Variants in SHOX observed in about 807,000 individuals in gnomAD.
SHOX encodes the protein short stature homeobox protein.
A neutral mutation model predicts 29.6 loss-of-function variants in SHOX; 12 were observed. That is an observed-to-expected ratio of 0.41 (90% confidence interval 0.26 to 0.66). The LOEUF is 0.66. Among genes scored for constraint, SHOX ranks in the 30% least tolerant of loss-of-function variants. SHOX has a pLI of 0.35. For missense variants in SHOX, 499 were observed against 437.7 expected (o/e 1.14, Z -1.25); for synonymous variants, 214 against 200.6 (o/e 1.07, Z -0.57).
chrX:634,056 G>A (rs1290944765), intron 1 of SHOX, among the ~76,000 whole-genome samples: 2 of 152,246 alleles, frequency 1.3e-5, no homozygotes, highest in African/African-American at 4.8e-5. Context: ...CCCAGGCGCG[G>A]TGGCGCATTC....
In SHOX at chrX:636,719, TAC is replaced by T. The variant is rs2052763180; in HGVS notation, c.486+1895_486+1896del. ...TAAAATATATATATAAACATATATA[TAC>T]ATAAAATATATATATAAACATATAT... On this transcript the variant is annotated intron_variant, in intron 2 of 4. Coordinates refer to ENST00000686671, the MANE Select transcript of SHOX (RefSeq NM_000451.4). Among the ~76,000 whole-genome samples the T allele has an allele frequency of 5.2e-4, 4 of 7,732 alleles. 2 individuals are homozygous for T. In the Admixed American group the frequency reaches 6.1e-3, roughly 12 times the overall value. 5.1% of individuals were successfully genotyped at this position (7,732 alleles called of 152,430 possible).
At chrX:628,307 TTC>T (rs1384347242), upstream of SHOX, among the ~76,000 whole-genome samples, 2 of 129,190 alleles carry the variant, frequency 1.5e-5, no homozygotes, top group Admixed American at 7.6e-5. Context: ...CTCCATCTCT[TTC>T]TCTGTCTCTC....
intron 2 of SHOX, among the ~76,000 whole-genome samples, chrX:636,341 T>TATAAAAATATATAAAC (rs1556463148): frequency 2.3e-5 from 3 of 132,296 alleles, no homozygotes; most frequent in Non-Finnish European, 4.7e-5. Context: ...CATATAAACA[T>TATAAAAATATATAAAC]ATATAAATAT....
At chrX:636,747 A>G (rs911143661) in intron 2 of SHOX, among the ~76,000 whole-genome samples, 3 of 135,914 alleles carry the variant, frequency 2.2e-5, no homozygotes. Flanking sequence ...AAACATATAT[A>G]TACATATAAA....
upstream of SHOX, among the ~76,000 whole-genome samples, chrX:629,525 C>T (rs1364788672): frequency 2.6e-5 from 4 of 151,602 alleles, no homozygotes; most frequent in South Asian, 4.2e-4. Context: ...CTCTCCCTGT[C>T]TCTCTCTCTC....
At chrX:638,556 G>C (rs2052796243) in intron 2 of SHOX, among the ~76,000 whole-genome samples, 1 of 152,178 alleles carries the variant, frequency 6.6e-6, no homozygotes, top group African/African-American at 2.4e-5. Flanking sequence ...GGATGACTTT[G>C]CTGGGAAACA....
rs1016665769 is a variant in SHOX at position 648,783 on chromosome X, A to T, written c.*4147A>T. 1.3e-5 allele frequency among the ~76,000 whole-genome samples: 2 copies of T among 151,918 alleles called. No individual in the cohort carries two copies. Among genetic ancestry groups the T allele is most frequent in the African/African-American group, 4.8e-5 (2 of 41,376 alleles). ...CCCTGAATGAGTGTGGGGTACGTGTATGCTAGCTGCTTCTTTCTCCCTGAA... is the reference window on the plus strand; with the variant it reads ...CCCTGAATGAGTGTGGGGTACGTGTTTGCTAGCTGCTTCTTTCTCCCTGAA... On this transcript the variant is annotated 3_prime_UTR_variant, in exon 5 of 5. Transcript: ENST00000686671.
intron 2 of SHOX, among the ~76,000 whole-genome samples, chrX:639,682 TAGGC>T (rs1156678431): frequency 6.6e-6 from 1 of 152,238 alleles, no homozygotes; most frequent in Admixed American, 6.5e-5. Context: ...AGGTCTCACT[TAGGC>T]AGGGCACGGA....
chrX:630,681 G>C (rs900251994), upstream of SHOX: 5 of 622,130 alleles, frequency 8.0e-6, no homozygotes, highest in Non-Finnish European at 1.4e-5. Flanking sequence ...CAGCGTCTCT[G>C]CGTGCGTCCG....
chrX:625,897 CT>C (rs1257765146), upstream of SHOX, among the ~76,000 whole-genome samples: 1 of 140,236 alleles, frequency 7.1e-6, no homozygotes, highest in Non-Finnish European at 1.6e-5. Flanking sequence ...TCCTCTCTCT[CT>C]TTCTCTGTCT....
In SHOX at chrX:658,532, A is replaced by G. The variant is rs769460521; in HGVS notation, c.634-253A>G. Among the ~76,000 whole-genome samples, 659 of 147,598 alleles carry G rather than the reference A, an allele frequency of 4.5e-3. 3 individuals are homozygous for G. The highest frequency in any genetic ancestry group is 0.015 in the African/African-American group (590 of 39,736). ...GTCACCCAGGCTGGAGTGCAGTGGC[A>G]CGATCTCCGCTCACTGCAAGCTCCT... On this transcript the variant is annotated intron_variant, in intron 5 of 5. Transcript: ENST00000334060.
intron 4 of SHOX, among the ~76,000 whole-genome samples, chrX:642,504 T>TAGCTCTCC (rs1386158353): frequency 1.3e-5 from 2 of 152,144 alleles, no homozygotes; most frequent in Admixed American, 6.5e-5. Flanking sequence ...TGGTCGCCGC[T>TAGCTCTCC]AGCTCTCCAG....
chrX:637,122 G>C (rs1345734085), intron 2 of SHOX, among the ~76,000 whole-genome samples: 2 of 151,858 alleles, frequency 1.3e-5, no homozygotes, highest in African/African-American at 4.8e-5. Context: ...AGAGGCTTTG[G>C]TGACTTGGAG....
intron 5 of SHOX, among the ~76,000 whole-genome samples, chrX:658,412 A>G (rs1293641865): frequency 6.6e-6 from 1 of 151,934 alleles, no homozygotes; most frequent in Non-Finnish European, 1.5e-5. Flanking sequence ...ATTGATGGTT[A>G]GTATTTTTTG....
intron 5 of SHOX, among the ~76,000 whole-genome samples, chrX:657,520 T>C (rs2053164041): frequency 6.6e-6 from 1 of 152,172 alleles, no homozygotes; most frequent in Non-Finnish European, 1.5e-5. Flanking sequence ...CCAGTTTTTT[T>C]CAGAGAAGAA....
At position 650,700 on chromosome X, in the gene SHOX, C is replaced by G. The variant is rs377631773; in HGVS notation, c.*6064C>G. ...ACACGGCAGCCACTCCCACGACACA[C>G]ATTTCGGAGGCACTTTGCTGGAAGC... On this transcript the variant is annotated 3_prime_UTR_variant, in exon 5 of 5. Transcript: ENST00000686671. 4.8e-5 allele frequency among the ~76,000 whole-genome samples: 7 copies of G among 146,954 alleles called. No individual in the cohort carries two copies. The East Asian group carries it at 1.2e-3, about 26-fold the overall frequency.
rs771899017 is a variant in SHOX, at chrX:634,793, C to T, written c.453C>T (p.Ser151=). ...ACGCCTTCATGCGCGAGGAGCTCAG[C>T]CAGCGCCTGGGGCTCTCCGAGGCGC... The part of the protein sequence containing the change: ...YPDAFMREEL[S]QRLGLSEARV... The change falls in exon 2 of 5, where the codon AGC becomes AGT. Residue 151 remains serine, a synonymous_variant. Transcript: ENST00000686671. 2.5e-6 allele frequency: 4 copies of T among 1,594,534 alleles called. No homozygotes were observed. Among genetic ancestry groups the T allele is most frequent in the South Asian group, 1.1e-5 (1 of 88,554 alleles).
chrX:657,440 G>T (rs1224475528), intron 5 of SHOX, among the ~76,000 whole-genome samples: 1 of 152,132 alleles, frequency 6.6e-6, no homozygotes, highest in African/African-American at 2.4e-5. Flanking sequence ...TAAAGGGAGT[G>T]GATGTTATGG....
chrX:642,419 G>T (rs1457265660), intron 4 of SHOX, among the ~76,000 whole-genome samples: 2 of 152,108 alleles, frequency 1.3e-5, no homozygotes, highest in Non-Finnish European at 2.9e-5. Flanking sequence ...GGGACTTGGG[G>T]GGTGGCGGTG....
Sources: gnomAD v4.1 joint callset for allele counts (sites outside exome capture counted in the v4.1 genomes callset) on GRCh38, gnomAD v4.1.1 for gene constraint, MANE v1.5 for transcripts, NCBI Gene and HGNC (gene_info 2026-07-23, HGNC 2026-07-21) for gene names.